Variants in DCAF6 observed in about 807,000 individuals in gnomAD.
The protein encoded by DCAF6 is DDB1 and CUL4 associated factor 6.
DCAF6 carries 54 observed loss-of-function variants against 125.1 expected under a neutral mutation model. The observed-to-expected ratio is 0.43, with a 90% CI of 0.35 to 0.54. The LOEUF is 0.54. DCAF6 is among the 20% of genes least tolerant of loss of function. The pLI, the probability that DCAF6 is intolerant of heterozygous loss-of-function variation, is 0.01. For missense variants in DCAF6, 934 were observed against 1,161.7 expected (o/e 0.80, Z 2.85); for synonymous variants, 371 against 390.4 (o/e 0.95, Z 0.58).
At chr1:167,952,063 T>A (rs1674035868) in intron 2 of DCAF6, among the ~76,000 whole-genome samples, 1 of 152,228 alleles carries the variant, frequency 6.6e-6, no homozygotes, top group East Asian at 1.9e-4. Context: ...TTTTCTAATA[T>A]TATCGAAAGG....
the DCAF6 span, among the ~76,000 whole-genome samples, chr1:167,912,658 G>A: frequency 7.2e-5 from 11 of 152,178 alleles, no homozygotes; most frequent in East Asian, 1.9e-4. Flanking sequence ...CTCTGTATGG[G>A]GGAGCTTCTT....
intron 1 of DCAF6, among the ~76,000 whole-genome samples, chr1:167,948,476 C>G (rs1355585928): frequency 6.6e-6 from 1 of 152,146 alleles, no homozygotes; most frequent in East Asian, 1.9e-4. Flanking sequence ...TCCAACATTT[C>G]TTGCCCCAAC....
chr1:168,033,996 G>A (rs773568586), intron 12 of DCAF6, among the ~76,000 whole-genome samples: 21 of 152,160 alleles, frequency 1.4e-4, no homozygotes, highest in Non-Finnish European at 2.5e-4. Flanking sequence ...CCTAAAAGAA[G>A]ATACAACATA....
At chr1:167,909,868 A>G in the DCAF6 span, among the ~76,000 whole-genome samples, 1 of 152,208 alleles carries the variant, frequency 6.6e-6, no homozygotes, top group African/African-American at 2.4e-5. Context: ...TTGTCTCTGA[A>G]GAGAAAGAGG....
At chr1:168,012,331 G>T (rs2103146712) in intron 10 of DCAF6, among the ~76,000 whole-genome samples, 1 of 152,294 alleles carries the variant, frequency 6.6e-6, no homozygotes, top group East Asian at 1.9e-4. Context: ...AAGTCATTAG[G>T]AGAATAACCT....
chr1:167,866,320 G>A, the DCAF6 span, among the ~76,000 whole-genome samples: 9 of 152,108 alleles, frequency 5.9e-5, no homozygotes, highest in Admixed American at 1.3e-4. Flanking sequence ...GGAGTCCCAC[G>A]AGGAATACCA....
chr1:168,008,619 T>G (rs1391830716), intron 10 of DCAF6, among the ~76,000 whole-genome samples: 1 of 152,018 alleles, frequency 6.6e-6, no homozygotes, highest in Non-Finnish European at 1.5e-5. Context: ...TTAAATCCCT[T>G]CAGAAGTTCC....
chr1:168,063,386 T>A (rs1399461448), intron 17 of DCAF6, among the ~76,000 whole-genome samples: 1 of 152,176 alleles, frequency 6.6e-6, no homozygotes, highest in Non-Finnish European at 1.5e-5. Flanking sequence ...TGCCTTTACT[T>A]TTCATCCAGT....
chr1:168,059,566 T>A (rs914287245), intron 17 of DCAF6, among the ~76,000 whole-genome samples: 1 of 152,250 alleles, frequency 6.6e-6, no homozygotes, highest in Non-Finnish European at 1.5e-5. Flanking sequence ...TGCTTATAGT[T>A]GTAATAAATC....
chr1:167,890,706 A>G, the DCAF6 span, among the ~76,000 whole-genome samples: 1 of 152,052 alleles, frequency 6.6e-6, no homozygotes, highest in Non-Finnish European at 1.5e-5. Context: ...TGGCTCTCTT[A>G]TTTTTATAGT....
chr1:167,871,402 T>C, the DCAF6 span, among the ~76,000 whole-genome samples: 21 of 152,300 alleles, frequency 1.4e-4, 1 homozygote, highest in South Asian at 1.7e-3. Context: ...ATGCTTGCTG[T>C]AGAAAATATG....
At chr1:167,987,040 T>C (rs1199074015) in intron 4 of DCAF6, among the ~76,000 whole-genome samples, 1 of 152,210 alleles carries the variant, frequency 6.6e-6, no homozygotes, top group Non-Finnish European at 1.5e-5. Context: ...AAAATTTTTC[T>C]AAGAGGTGAG....
chr1:167,883,718 G>A, the DCAF6 span: 1 of 1,218,218 alleles, frequency 8.2e-7, no homozygotes, highest in Non-Finnish European at 1.2e-6. Context: ...AAATCATCTA[G>A]GGAATGTCTA....
chr1:168,061,292 T>G (rs890072390), intron 17 of DCAF6, among the ~76,000 whole-genome samples: 1 of 152,206 alleles, frequency 6.6e-6, no homozygotes, highest in Non-Finnish European at 1.5e-5. Context: ...ACTTTTTAAG[T>G]AAGTCTATAT....
At chr1:167,875,177 A>G in the DCAF6 span, 1 of 1,614,180 alleles carries the variant, frequency 6.2e-7, no homozygotes, top group Non-Finnish European at 8.5e-7. Context: ...GGCACGCCAT[A>G]CCAAACATGC....
the DCAF6 span, among the ~76,000 whole-genome samples, chr1:167,864,761 T>TA: frequency 1.3e-5 from 2 of 152,330 alleles, no homozygotes; most frequent in South Asian, 4.1e-4. Flanking sequence ...AACACTCTAA[T>TA]ACCACTTTGT....
At chr1:167,875,245 A>T in the DCAF6 span, 13 of 1,529,548 alleles carry the variant, frequency 8.5e-6, no homozygotes, top group Non-Finnish European at 1.2e-5. Context: ...ATTGAGAGCA[A>T]GAGTGATTAG....
At chr1:167,986,802 A>G (rs2102981705) in intron 4 of DCAF6, among the ~76,000 whole-genome samples, 1 of 152,310 alleles carries the variant, frequency 6.6e-6, no homozygotes, top group African/African-American at 2.4e-5. Flanking sequence ...TCTTTGGGAC[A>G]TAGGGAGAGA....
At chr1:168,043,493 A>AG (rs1254404426) in intron 14 of DCAF6, among the ~76,000 whole-genome samples, 2 of 152,122 alleles carry the variant, frequency 1.3e-5, no homozygotes, top group African/African-American at 2.4e-5. Context: ...TGGTTTATAG[A>AG]GGGGGAAAAA....
Sources: allele counts gnomAD v4.1 joint callset (sites outside exome capture counted in the v4.1 genomes callset), GRCh38; gene constraint gnomAD v4.1.1; transcripts MANE v1.5; gene names NCBI Gene and HGNC (gene_info 2026-07-23, HGNC 2026-07-21).